Variants in CAPN10 observed in about 807,000 individuals in gnomAD.
The protein encoded by CAPN10 is calpain 10.
CAPN10 carries 71 observed loss-of-function variants against 78.4 expected under a neutral mutation model. The ratio of observed to expected loss-of-function variants is 0.91; its 90% CI spans 0.75 to 1.10. CAPN10 has a LOEUF of 1.10. CAPN10 is among the 50% of genes least tolerant of loss of function. The probability of loss-of-function intolerance (pLI) is 0.00; values close to 1 mark genes in which losing one functional copy is unlikely to be tolerated. For missense variants in CAPN10, 849 were observed against 924.6 expected, an observed-to-expected ratio of 0.92 and a Z score of 1.06; for synonymous variants, 437 against 407.2, an observed-to-expected ratio of 1.07 and a Z score of -0.88.
At chr2:240,593,441 G>T (rs751728253) in intron 4 of CAPN10, among the ~76,000 whole-genome samples, 1 of 152,262 alleles carries the variant, frequency 6.6e-6, no homozygotes, top group Non-Finnish European at 1.5e-5. Context: ...AGGTGGAGCT[G>T]TTGCCCCCCT....
intron 2 of CAPN10, chr2:240,590,003 T>G (rs1238458414): frequency 1.9e-5 from 3 of 154,900 alleles, no homozygotes; most frequent in Non-Finnish European, 4.3e-5. Flanking sequence ...TGTTGCTGAT[T>G]AATGCAGCGG....
intron 7 of CAPN10, among the ~76,000 whole-genome samples, chr2:240,595,730 C>G (rs1239369526): frequency 6.6e-6 from 1 of 152,256 alleles, no homozygotes; most frequent in Non-Finnish European, 1.5e-5. Context: ...TCAGTCTCTT[C>G]CCCTGCAAGA....
At chr2:240,596,005 TG>T in intron 7 of CAPN10, 1 of 1,440,992 alleles carries the variant, frequency 6.9e-7, no homozygotes, top group Non-Finnish European at 9.3e-7. Context: ...CCTTTCCTCT[TG>T]CAAAAGAAGT....
chr2:240,593,746 AAGG>A (rs1468728537), intron 4 of CAPN10, among the ~76,000 whole-genome samples, 157 bp from the exon 5 acceptor site: 2 of 152,170 alleles, frequency 1.3e-5, no homozygotes, highest in African/African-American at 4.8e-5. Context: ...GCTGCTAAGA[AAGG>A]AGCTCTCGTG....
chr2:240,591,233 A>T, intron 3 of CAPN10: 1 of 554,050 alleles, frequency 1.8e-6, no homozygotes, highest in Non-Finnish European at 3.2e-6. Context: ...CCCTTGTTCC[A>T]AAGCCCAGCG....
At chr2:240,594,929 G>A (rs1245503125) in intron 6 of CAPN10, 95 bp from the exon 7 acceptor site, 2 of 1,379,420 alleles carry the variant, frequency 1.4e-6, no homozygotes, top group Non-Finnish European at 2.0e-6. Context: ...GGCCGTAGCT[G>A]CTGCTTAGAC....
intron 5 of CAPN10, 72 bp from the exon 6 acceptor site, chr2:240,594,471 C>T: frequency 2.7e-6 from 4 of 1,502,048 alleles, no homozygotes; most frequent in Non-Finnish European, 3.6e-6. Flanking sequence ...TCCAGGCTTC[C>T]CCCCAGCCTG....
In CAPN10 at chr2:240,589,371, C is replaced by A; in HGVS notation, c.170C>A (p.Pro57Gln). The A allele has an allele frequency of 1.9e-6, 3 of 1,614,146 alleles. No individual in the cohort carries two copies. The highest frequency in any genetic ancestry group is 2.5e-6 in the Non-Finnish European group (3 of 1,180,036). Residue 57 changes from proline (P) to glutamine (Q), a missense_variant, in exon 2 of 12, where the codon CCA (proline) becomes CAA (glutamine). Pro to Gln is a moderately conservative substitution (Grantham distance 76). Transcript: ENST00000391984. ...ATTTGTGCCACACCCCGGCTGTTTC[C>A]AGATGACCCACGGGAAGGGCAGGTG... ...QEICATPRLF[P>Q]DDPREGQVKQ...
intron 1 of CAPN10, among the ~76,000 whole-genome samples, chr2:240,587,305 G>A (rs1287507279): frequency 6.6e-6 from 1 of 152,236 alleles, no homozygotes; most frequent in Non-Finnish European, 1.5e-5. Context: ...TCCAATCCAG[G>A]AGGCTCAGAG....
intron 4 of CAPN10, among the ~76,000 whole-genome samples, chr2:240,593,287 A>T (rs1281211729): frequency 6.6e-6 from 1 of 152,234 alleles, no homozygotes; most frequent in Non-Finnish European, 1.5e-5. Flanking sequence ...GAGCCTGCTG[A>T]GGTGGCAAGG....
In CAPN10 at chr2:240,592,034, C is replaced by T; in HGVS notation, c.572C>T (p.Ala191Val). 6.2e-7 allele frequency: 1 copy of T among 1,612,862 alleles called. No individual in the cohort carries two copies. Among genetic ancestry groups the T allele is most frequent in the East Asian group, 2.2e-5 (1 of 44,856 alleles). ...GAAAGATGGAACCTGAAGGGCGTAG[C>T]AGGAAGCGGAGGCCAGCAGGACAGG... ...LAERWNLKGV[A>V]GSGGQQDRPG... The change falls in exon 4 of 12, where the codon GCA (alanine) becomes GTA (valine). Residue 191 changes from alanine to valine, a missense_variant. Physicochemically the swap from Ala to Val is moderately conservative, Grantham distance 64. Transcript: ENST00000391984.
intron 1 of CAPN10, among the ~76,000 whole-genome samples, chr2:240,588,308 G>GT (rs2125456528): frequency 6.6e-6 from 1 of 152,168 alleles, no homozygotes; most frequent in African/African-American, 2.4e-5. Flanking sequence ...ATATTAGATG[G>GT]TTTACAGTCC....
chr2:240,596,271 C>T, intron 7 of CAPN10, 48 bp from the exon 8 acceptor site: 2 of 1,552,128 alleles, frequency 1.3e-6, no homozygotes, highest in Non-Finnish European at 1.7e-6. Flanking sequence ...GCCAGGGCGT[C>T]TGACCCCGGC....
chr2:240,586,892 GGGAGCCCGC>G lies in CAPN10; in HGVS notation c.-13_-5del. ...GACCCCGAGGCAACCGGCTGCAGATGGGAGCCCGCGGAGCCGAGGATGCGGGCGGGCCGG... is the reference window on the plus strand; with the variant it reads ...GACCCCGAGGCAACCGGCTGCAGATGGGAGCCGAGGATGCGGGCGGGCCGG... On this transcript the variant is annotated 5_prime_UTR_variant, in exon 1 of 12. Transcript: ENST00000391984. The G allele has an allele frequency of 7.3e-7, 1 of 1,379,232 alleles. No individual in the cohort carries two copies. Among genetic ancestry groups the G allele is most frequent in the Non-Finnish European group, 9.4e-7 (1 of 1,068,910 alleles). The allele number at this position is 1,379,232 out of a possible 1,614,324, so 85.4% of individuals were successfully genotyped here. A position where few individuals can be genotyped will look rare whatever the true frequency, so the allele number is the denominator to read the frequency against.
At chr2:240,591,881 G>T in intron 3 of CAPN10, 52 bp from the exon 4 acceptor site, 2 of 1,505,610 alleles carry the variant, frequency 1.3e-6, no homozygotes, top group South Asian at 1.2e-5. Flanking sequence ...AATCAGAGAG[G>T]GGGCCATGCT....
chr2:240,591,800 G>A, intron 3 of CAPN10, 133 bp from the exon 4 acceptor site: 1 of 734,632 alleles, frequency 1.4e-6, no homozygotes, highest in Non-Finnish European at 2.2e-6. Flanking sequence ...GGATGAGGAA[G>A]AAGGCAGAGG....
chr2:240,587,139 G>T (rs60704894), intron 1 of CAPN10, 87 bp downstream of exon 1: 83,238 of 800,724 alleles, frequency 0.1, 4,452 homozygotes, highest in South Asian at 0.12. Context: ...TGGGCGGCCA[G>T]GGTAGCTCCG....
chr2:240,596,668 GTCT>G lies in CAPN10; in HGVS notation c.1482-8_1482-6del. ...CTGCTGCCAGCGCCCTCCCATGTTT[GTCT>G]TCTTGGCAGCGCCATCAGGGCAGTG... On this transcript the variant is annotated splice_polypyrimidine_tract_variant and intron_variant, in intron 8 of 11. Coordinates refer to ENST00000391984, the MANE Select transcript of CAPN10 (RefSeq NM_023083.4). 1.3e-6 allele frequency: 2 copies of G among 1,534,402 alleles called. No individual in the cohort carries two copies. The highest frequency in any genetic ancestry group is 1.8e-6 in the Non-Finnish European group (2 of 1,140,626).
At chr2:240,595,397 A>T (rs1446328713) in intron 7 of CAPN10, 93 bp downstream of exon 7, 1 of 1,369,312 alleles carries the variant, frequency 7.3e-7, no homozygotes, top group African/African-American at 1.4e-5. Flanking sequence ...GCCGGGACAC[A>T]TGTGACTCTG....
Sources: allele counts gnomAD v4.1 joint callset (sites outside exome capture counted in the v4.1 genomes callset), GRCh38; gene constraint gnomAD v4.1.1; transcripts MANE v1.5; gene names NCBI Gene and HGNC (gene_info 2026-07-23, HGNC 2026-07-21).